The following IGF1R variants were observed in gnomAD, a reference collection of about 807,000 sequenced individuals.
IGF1R encodes insulin like growth factor 1 receptor, also known as insulin-like growth factor 1 receptor.
Under a neutral mutation model 144.6 loss-of-function variants are expected in IGF1R, and 44 were observed. The observed-to-expected ratio is 0.30, with a 90% CI of 0.24 to 0.39. IGF1R has a LOEUF of 0.39. Ranked by LOEUF, IGF1R falls within the 10% of genes least tolerant of loss-of-function variation. IGF1R has a pLI of 1.00. For missense variants in IGF1R, 1,355 were observed against 1,833.7 expected, an observed-to-expected ratio of 0.74 and a Z score of 4.77; for synonymous variants, 795 against 722.8, an observed-to-expected ratio of 1.10 and a Z score of -1.60.
intron 2 of IGF1R, among the ~76,000 whole-genome samples, chr15:98,748,114 C>T (rs1202176060): frequency 6.6e-6 from 1 of 152,142 alleles, no homozygotes; most frequent in Non-Finnish European, 1.5e-5. Flanking sequence ...TCTCATGTGA[C>T]AAATATAATG....
intron 2 of IGF1R, among the ~76,000 whole-genome samples, chr15:98,766,527 T>A (rs2055440930): frequency 6.6e-6 from 1 of 152,262 alleles, no homozygotes; most frequent in Admixed American, 6.5e-5. Flanking sequence ...ATCCTTAATA[T>A]TCTTCGTATT....
chr15:98,790,563 G>C (rs1448271682), intron 2 of IGF1R, among the ~76,000 whole-genome samples: 1 of 152,084 alleles, frequency 6.6e-6, no homozygotes, highest in Admixed American at 6.5e-5. Context: ...CTCTGGGCGT[G>C]TTGTTTTTAT....
intron 2 of IGF1R, among the ~76,000 whole-genome samples, chr15:98,880,418 T>C (rs1223447510): frequency 6.6e-6 from 1 of 152,260 alleles, no homozygotes; most frequent in Non-Finnish European, 1.5e-5. Flanking sequence ...CAGCGTTGCG[T>C]GTTGGTTCCG....
Position 98,649,510 on chromosome 15 carries a change from TTTTTC to T in IGF1R, c.-57_-53del, listed in dbSNP as rs1379930361. The T allele has an allele frequency of 1.3e-3, 1,307 of 1,042,154 alleles. 7 individuals carry two copies. Among genetic ancestry groups the T allele is most frequent in the African/African-American group, 4.7e-3 (255 of 54,226 alleles). The allele number at this position is 1,042,154 out of a possible 1,614,324, so 64.6% of individuals were successfully genotyped here. ...GAGACTTGTTTCCTTTCATTTCCTT[TTTTTC>T]TTTTCTTTTCTTTTTTTTTTTTTTT... On this transcript the variant is annotated 5_prime_UTR_variant, in exon 1 of 21. Transcript: ENST00000650285.
chr15:98,677,440 G>C (rs751144880), intron 1 of IGF1R, among the ~76,000 whole-genome samples: 10 of 152,206 alleles, frequency 6.6e-5, no homozygotes, highest in Middle Eastern at 3.4e-3. Flanking sequence ...TACATAATAC[G>C]TCTTTACTTA....
chr15:98,784,598 T>A (rs1012173981), intron 2 of IGF1R: 10 of 154,004 alleles, frequency 6.5e-5, no homozygotes, highest in African/African-American at 2.4e-4. Flanking sequence ...TTTACCTGAG[T>A]TATTGTAATT....
At chr15:98,857,431 C>G (rs2011887896) in intron 2 of IGF1R, among the ~76,000 whole-genome samples, 1 of 152,230 alleles carries the variant, frequency 6.6e-6, no homozygotes, top group Non-Finnish European at 1.5e-5. Flanking sequence ...GTTGGCCGGG[C>G]TGGTCTTGAA....
intron 2 of IGF1R, among the ~76,000 whole-genome samples, chr15:98,786,839 G>A (rs2056009829): frequency 1.3e-5 from 2 of 152,186 alleles, no homozygotes; most frequent in Admixed American, 1.3e-4. Context: ...CAGCTAGAGA[G>A]CCTGTGTGGA....
intron 2 of IGF1R, among the ~76,000 whole-genome samples, chr15:98,736,109 G>A (rs545627201): frequency 4.8e-4 from 73 of 152,344 alleles, no homozygotes; most frequent in African/African-American, 1.6e-3. Flanking sequence ...AACCAAGAGA[G>A]GAAGTGTAGC....
chr15:98,823,559 A>G (rs2056839399), intron 2 of IGF1R, among the ~76,000 whole-genome samples: 1 of 152,238 alleles, frequency 6.6e-6, no homozygotes, highest in African/African-American at 2.4e-5. Context: ...TTGCTCTACC[A>G]GTACGGCCAA....
chr15:98,695,714 A>G (rs117145961), intron 1 of IGF1R, among the ~76,000 whole-genome samples: 1 of 152,306 alleles, frequency 6.6e-6, no homozygotes, highest in Non-Finnish European at 1.5e-5. Flanking sequence ...CGGGTTTCAA[A>G]TGAATCCTAC....
In IGF1R at chr15:98,959,281, C is replaced by T. The variant is rs1358080854; in HGVS notation, c.*1839C>T. 4 of 233,456 alleles carry T rather than the reference C, an allele frequency of 1.7e-5. No individual in the cohort carries two copies. The East Asian group carries it at 1.8e-4, about 11-fold the overall frequency. The allele number at this position is 233,456 out of a possible 1,614,324, so 14.5% of individuals were successfully genotyped here. Reference sequence around the variant, plus strand: ...TTTGGATTACTATTTTTCTTAATGGCTATTTAATCCTTCCATCCCACGAAA... The same window carrying T: ...TTTGGATTACTATTTTTCTTAATGGTTATTTAATCCTTCCATCCCACGAAA... On this transcript the variant is annotated 3_prime_UTR_variant, in exon 21 of 21. Coordinates refer to ENST00000650285, the MANE Select transcript of IGF1R (RefSeq NM_000875.5).
intron 9 of IGF1R, chr15:98,916,417 A>G (rs2015251809): frequency 5.3e-6 from 3 of 562,012 alleles, no homozygotes; most frequent in East Asian, 3.2e-5. Flanking sequence ...ATGCACCACC[A>G]TGCCCAGCTA....
intron 2 of IGF1R, among the ~76,000 whole-genome samples, chr15:98,828,934 A>T (rs1442935280): frequency 2.0e-5 from 3 of 152,168 alleles, no homozygotes; most frequent in African/African-American, 7.2e-5. Flanking sequence ...ACTTGATGCT[A>T]CGTGAACTAC....
intron 10 of IGF1R, among the ~76,000 whole-genome samples, chr15:98,920,707 A>G (rs1596451663): frequency 6.6e-6 from 1 of 152,276 alleles, no homozygotes; most frequent in Middle Eastern, 3.4e-3. Flanking sequence ...AAGCAAATGT[A>G]CACGCCCTGA....
intron 2 of IGF1R, among the ~76,000 whole-genome samples, chr15:98,802,595 T>G (rs1214627901): frequency 6.6e-6 from 1 of 152,254 alleles, no homozygotes; most frequent in African/African-American, 2.4e-5. Context: ...CAGGGGTTGC[T>G]TGTATGCACG....
intron 2 of IGF1R, among the ~76,000 whole-genome samples, chr15:98,877,489 CTTTTTTTTTTT>C (rs5814908): frequency 1.2e-5 from 1 of 85,588 alleles, no homozygotes; most frequent in East Asian, 5.2e-4. Context: ...CACTAGCAGC[CTTTTTTTTTTT>C]TTTTTTTTTT....
At chr15:98,795,160 T>C (rs750149370) in intron 2 of IGF1R, among the ~76,000 whole-genome samples, 13 of 152,100 alleles carry the variant, frequency 8.5e-5, no homozygotes, top group Non-Finnish European at 1.2e-4. Context: ...GTAGCAGTCA[T>C]AGATTGTTTA....
chr15:98,942,141 T>A (rs776994201), intron 18 of IGF1R, among the ~76,000 whole-genome samples: 29 of 152,112 alleles, frequency 1.9e-4, no homozygotes, highest in African/African-American at 6.5e-4. Flanking sequence ...ACCCTGAATA[T>A]TTTCCCCCTT....
Sources: gnomAD v4.1 joint callset for allele counts (sites outside exome capture counted in the v4.1 genomes callset) on GRCh38, gnomAD v4.1.1 for gene constraint, MANE v1.5 for transcripts, NCBI Gene and HGNC (gene_info 2026-07-23, HGNC 2026-07-21) for gene names.